MAST2: variants seen among roughly 807,000 people sequenced by gnomAD.
MAST2 encodes microtubule associated serine/threonine kinase 2, also known as microtubule-associated serine/threonine-protein kinase 2.
A neutral mutation model predicts 147.4 loss-of-function variants in MAST2; 70 were observed. The observed-to-expected ratio is 0.47, with a 90% confidence interval of 0.39 to 0.58. The LOEUF is 0.58. MAST2 is among the 20% of genes least tolerant of loss of function. The pLI is 0.00. For missense variants in MAST2, 2,080 were observed against 2,302.3 expected, an observed-to-expected ratio of 0.90 and a Z score of 1.98; for synonymous variants, 869 against 896.8, an observed-to-expected ratio of 0.97 and a Z score of 0.55.
At chr1:46,013,941 C>G (rs1488909086) in intron 10 of MAST2, among the ~76,000 whole-genome samples, 2 of 151,994 alleles carry the variant, frequency 1.3e-5, no homozygotes, top group African/African-American at 4.8e-5. Flanking sequence ...CATTTCATAA[C>G]CAATACTTTA....
At chr1:45,985,234 A>C (rs1373180075) in intron 5 of MAST2, among the ~76,000 whole-genome samples, 2 of 149,960 alleles carry the variant, frequency 1.3e-5, no homozygotes, top group Admixed American at 6.6e-5. Context: ...CTGCCACTAC[A>C]TCCTGCTAAT....
At chr1:45,822,654 A>G (rs372198221) in intron 1 of MAST2, among the ~76,000 whole-genome samples, 1 of 152,282 alleles carries the variant, frequency 6.6e-6, no homozygotes, top group African/African-American at 2.4e-5. Context: ...TTCCCTCTCC[A>G]CATTGTCTTC....
At chr1:45,814,743 C>T (rs556992190) in intron 1 of MAST2, among the ~76,000 whole-genome samples, 1 of 152,248 alleles carries the variant, frequency 6.6e-6, no homozygotes, top group Non-Finnish European at 1.5e-5. Flanking sequence ...GCCAAGATCA[C>T]GCCATTGCAC....
In MAST2 at chr1:46,002,749, T is replaced by C. The variant is rs1571159640; in HGVS notation, c.669-56T>C. The C allele has an allele frequency of 1.1e-5, 17 of 1,504,996 alleles. No homozygotes were observed. The South Asian group carries it at 1.8e-4, about 16-fold the overall frequency. 93.2% of individuals were successfully genotyped at this position (1,504,996 alleles called of 1,614,324 possible). On this transcript the variant is annotated intron_variant, in intron 6 of 28. Coordinates refer to ENST00000361297, the MANE Select transcript of MAST2 (RefSeq NM_015112.3). Reference sequence around the variant, plus strand: ...AAATGCTGATGAACAGACAGGCAGGTTGTGGGTCAGGGTGTAGTCCTGCAG... The same window carrying C: ...AAATGCTGATGAACAGACAGGCAGGCTGTGGGTCAGGGTGTAGTCCTGCAG...
In MAST2 at chr1:46,035,909, C is replaced by T. The variant is rs1646887397; in HGVS notation, c.5240C>T (p.Pro1747Leu). 2 of 1,614,096 alleles carry T rather than the reference C, an allele frequency of 1.2e-6. No homozygotes were observed. Among genetic ancestry groups the T allele is most frequent in the African/African-American group, 2.7e-5 (2 of 75,038 alleles). ...CCAGCCCTGAGCATCACCCAAGTGC[C>T]TGATGCCTCAGGTGACAGAAGGCAG... ...EDPALSITQV[P>L]DASGDRRQDV... The change falls in exon 29 of 29, where the codon CCT becomes CTT. Residue 1747 changes from proline (P) to leucine (L), a missense_variant. By Grantham distance (98) the Pro-to-Leu change is moderately conservative (BLOSUM62 -3). This residue lies in a region of MAST2 where 1,278 missense variants were observed against 1,304.2 expected (regional missense o/e 0.98). Transcript: ENST00000361297. This position sits in a 1 kb window ranked among gnomAD's most constrained non-coding sequence, Gnocchi z 5.5.
intron 10 of MAST2, 77 bp from the exon 11 acceptor site, chr1:46,019,519 C>T: frequency 8.9e-7 from 1 of 1,123,840 alleles, no homozygotes; most frequent in Non-Finnish European, 1.3e-6. Context: ...TCCCTGGAGT[C>T]AGCTCTGCCC....
At chr1:45,840,321 A>G (rs1413161069) in intron 3 of MAST2, among the ~76,000 whole-genome samples, 2 of 152,228 alleles carry the variant, frequency 1.3e-5, no homozygotes, top group African/African-American at 4.8e-5. Context: ...TGTTCTTTGC[A>G]TGCAACTCCT....
chr1:46,006,390 C>G lies in MAST2; in HGVS notation c.897C>G (p.Ser299Arg). The G allele has an allele frequency of 6.2e-7, 1 of 1,611,998 alleles. No homozygotes were observed. The highest frequency in any genetic ancestry group is 2.2e-5 in the East Asian group (1 of 44,842). ...CAGCCATGCGGCCTCGCTCCCGGAG[C>G]CTCAGGTGAGGGTGCTCTCTGCCCA... ...QSPAMRPRSR[S>R]LSPGRSPVSF... The change falls in exon 8 of 29, where the codon AGC becomes AGG. Residue 299 changes from serine (S) to arginine (R), a missense_variant. Physicochemically the swap from Ser to Arg is moderately radical, Grantham distance 110 (BLOSUM62 -1). This residue lies in a region of MAST2 where 569 missense variants were observed against 642.5 expected (regional missense o/e 0.89). Coordinates refer to ENST00000361297, the MANE Select transcript of MAST2 (RefSeq NM_015112.3).
intron 4 of MAST2, among the ~76,000 whole-genome samples, chr1:45,937,369 G>A (rs141311529): frequency 0.014 from 2,046 of 151,084 alleles, 15 homozygotes; most frequent in Non-Finnish European, 0.023. Context: ...GGGCCCAAGC[G>A]ATCCTCCCAC....
At chr1:45,983,175 A>T (rs1290838563) in intron 5 of MAST2, among the ~76,000 whole-genome samples, 1 of 152,200 alleles carries the variant, frequency 6.6e-6, no homozygotes, top group African/African-American at 2.4e-5. Flanking sequence ...TTGAATTGTG[A>T]ATCAGCTCTA....
intron 4 of MAST2, among the ~76,000 whole-genome samples, chr1:45,916,464 A>G (rs1417438134): frequency 6.6e-6 from 1 of 152,210 alleles, no homozygotes; most frequent in African/African-American, 2.4e-5. Flanking sequence ...TATTTATTTA[A>G]TAATCTTCGA....
At chr1:45,931,399 T>TTTTG (rs869116492) in intron 4 of MAST2, among the ~76,000 whole-genome samples, 2 of 149,718 alleles carry the variant, frequency 1.3e-5, no homozygotes, top group South Asian at 2.1e-4. Context: ...TTTTTTTTTT[T>TTTTG]GAGATAGAGT....
intron 1 of MAST2, among the ~76,000 whole-genome samples, chr1:45,816,145 C>T (rs1644444074): frequency 6.7e-6 from 1 of 149,814 alleles, no homozygotes; most frequent in Non-Finnish European, 1.5e-5. Flanking sequence ...TTTTCTGCAG[C>T]CTGTGGCAGA....
chr1:45,996,122 A>C (rs58652302), intron 5 of MAST2, among the ~76,000 whole-genome samples: 7,145 of 150,072 alleles, frequency 0.048, 604 homozygotes, highest in African/African-American at 0.17. Flanking sequence ...TATTTCTGAC[A>C]TACGTGTGTG....
chr1:45,896,663 AGGC>A (rs1648789084), intron 4 of MAST2, among the ~76,000 whole-genome samples: 2 of 152,218 alleles, frequency 1.3e-5, no homozygotes, highest in Non-Finnish European at 2.9e-5. Context: ...CCTGCCCCTG[AGGC>A]CTAACGCAGC....
chr1:46,019,680 C>T lies in MAST2; in HGVS notation c.1273C>T (p.Arg425Cys), dbSNP rs1254063535. Residue 425 changes from arginine (R) to cysteine (C), a missense_variant, in exon 11 of 29, where the codon CGT becomes TGT. Physicochemically the swap from Arg to Cys is radical, Grantham distance 180. This residue lies in a region of MAST2 where 569 missense variants were observed against 642.5 expected (regional missense o/e 0.89). Transcript: ENST00000361297. ...KLMIIIARPA[R>C]LLECLEFDPE... Reference sequence around the variant, plus strand: ...GATGATTATCATTGCCCGCCCAGCACGTCTCCTGGAATGCCTGGTGAGTGG... The same window carrying T: ...GATGATTATCATTGCCCGCCCAGCATGTCTCCTGGAATGCCTGGTGAGTGG... 6.2e-6 allele frequency: 10 copies of T among 1,614,006 alleles called. No individual in the cohort carries two copies. The highest frequency in any genetic ancestry group is 1.3e-5 in the African/African-American group (1 of 74,908).
intron 4 of MAST2, among the ~76,000 whole-genome samples, chr1:45,887,636 T>C (rs2148358464): frequency 6.6e-6 from 1 of 152,332 alleles, no homozygotes; most frequent in South Asian, 2.1e-4. Flanking sequence ...TTTCCCATTC[T>C]GATGCAACTT....
At chr1:45,890,333 T>G (rs1278838253) in intron 4 of MAST2, among the ~76,000 whole-genome samples, 1 of 152,214 alleles carries the variant, frequency 6.6e-6, no homozygotes, top group Non-Finnish European at 1.5e-5. Flanking sequence ...TAACAAAAAT[T>G]TATTTTCTTA....
intron 20 of MAST2, 22 bp downstream of exon 20, chr1:46,029,975 G>A (rs1646575087): frequency 1.1e-5 from 17 of 1,613,530 alleles, no homozygotes; most frequent in Non-Finnish European, 1.4e-5. Flanking sequence ...GATGGGTGGG[G>A]TGGAGGATGG....
Sources: gnomAD v4.1 joint callset for allele counts (sites outside exome capture counted in the v4.1 genomes callset) on GRCh38, gnomAD v4.1.1 for gene constraint, gnomAD v4.1.1 regional missense constraint, Gnocchi (gnomAD v3.1) non-coding constraint, MANE v1.5 for transcripts, NCBI Gene and HGNC (gene_info 2026-07-23, HGNC 2026-07-21) for gene names.